Variants in PXDNL observed in about 807,000 individuals in gnomAD.
PXDNL encodes probable oxidoreductase PXDNL.
Under a neutral mutation model 150.8 loss-of-function variants are expected in PXDNL, and 145 were observed. The ratio of observed to expected loss-of-function variants is 0.96; its 90% CI spans 0.84 to 1.10. The LOEUF is 1.10. PXDNL is among the 50% of genes least tolerant of loss of function. The pLI, the probability that PXDNL is intolerant of heterozygous loss-of-function variation, is 0.00. For synonymous variants in PXDNL, 757 were observed against 725.7 expected (o/e 1.04, Z -0.69); for missense variants, 2,087 against 1,873.9 (o/e 1.11, Z -2.10).
At chr8:51,443,179 T>C (rs536609812) in intron 12 of PXDNL, among the ~76,000 whole-genome samples, 1 of 152,300 alleles carries the variant, frequency 6.6e-6, no homozygotes, top group Admixed American at 6.5e-5. Context: ...TTCTGTAAAA[T>C]TACTAATTTT....
chr8:51,673,147 CAACA>C (rs1007087969), intron 1 of PXDNL, among the ~76,000 whole-genome samples: 5 of 151,966 alleles, frequency 3.3e-5, no homozygotes, highest in Non-Finnish European at 5.9e-5. Context: ...ACTAAGTGAC[CAACA>C]AACAGAGAAT....
At chr8:51,572,113 A>G (rs1244072060) in intron 3 of PXDNL, among the ~76,000 whole-genome samples, 1 of 151,846 alleles carries the variant, frequency 6.6e-6, no homozygotes, top group Non-Finnish European at 1.5e-5. Flanking sequence ...TAATGGGTTT[A>G]TCAGGACATA....
At chr8:51,344,939 A>G (rs1450306369) in intron 20 of PXDNL, among the ~76,000 whole-genome samples, 1 of 152,210 alleles carries the variant, frequency 6.6e-6, no homozygotes, top group Non-Finnish European at 1.5e-5. Context: ...CTTCTTGTCC[A>G]ACAACACTAT....
chr8:51,547,310 G>C (rs903702404), intron 4 of PXDNL, among the ~76,000 whole-genome samples: 2 of 152,100 alleles, frequency 1.3e-5, no homozygotes, highest in African/African-American at 4.8e-5. Context: ...AATTTCACCA[G>C]CTGCAACACC....
intron 3 of PXDNL, among the ~76,000 whole-genome samples, chr8:51,582,644 T>C (rs1267938361): frequency 6.6e-6 from 1 of 152,194 alleles, no homozygotes; most frequent in Middle Eastern, 3.2e-3. Flanking sequence ...TTACTCTTGA[T>C]TTTATGATTT....
chr8:51,463,243 C>T (rs1309297486), intron 8 of PXDNL, among the ~76,000 whole-genome samples: 2 of 152,118 alleles, frequency 1.3e-5, no homozygotes, highest in Admixed American at 1.3e-4. Flanking sequence ...TACCAAACAA[C>T]AAGCTAAACA....
intron 19 of PXDNL, among the ~76,000 whole-genome samples, chr8:51,349,558 C>T (rs1806269738): frequency 1.3e-5 from 2 of 152,338 alleles, no homozygotes; most frequent in African/African-American, 4.8e-5. Context: ...AGGGCCTTGT[C>T]CTACCTACCG....
chr8:51,652,863 TGAA>T (rs1420481393), intron 2 of PXDNL, among the ~76,000 whole-genome samples: 1 of 152,222 alleles, frequency 6.6e-6, no homozygotes, highest in Non-Finnish European at 1.5e-5. Flanking sequence ...TTCTGCCAAG[TGAA>T]GAAGTGGATT....
chr8:51,398,660 G>A (rs535697324), intron 17 of PXDNL, among the ~76,000 whole-genome samples: 2 of 152,272 alleles, frequency 1.3e-5, no homozygotes, highest in Admixed American at 1.3e-4. Flanking sequence ...AACATTCCTG[G>A]GGTTTCTACA....
chr8:51,522,234 T>G (rs775793498), intron 4 of PXDNL, among the ~76,000 whole-genome samples: 3 of 152,180 alleles, frequency 2.0e-5, no homozygotes, highest in Non-Finnish European at 4.4e-5. Context: ...AAGTGATGTT[T>G]TTCAGAAAAA....
intron 3 of PXDNL, among the ~76,000 whole-genome samples, chr8:51,567,675 G>C (rs916225652): frequency 4.6e-5 from 7 of 151,284 alleles, no homozygotes; most frequent in African/African-American, 1.7e-4. Flanking sequence ...CTATTTCATG[G>C]GTAGTGCTGG....
At chr8:51,567,452 G>A (rs903529761) in intron 3 of PXDNL, among the ~76,000 whole-genome samples, 7 of 151,698 alleles carry the variant, frequency 4.6e-5, no homozygotes, top group African/African-American at 1.7e-4. Flanking sequence ...TTGCTGTTAG[G>A]TGCACATACA....
At chr8:51,398,425 C>G (rs1808153693) in intron 17 of PXDNL, among the ~76,000 whole-genome samples, 1 of 152,216 alleles carries the variant, frequency 6.6e-6, no homozygotes, top group Admixed American at 6.5e-5. Context: ...GAGGTATACA[C>G]AGGGCAACTG....
chr8:51,568,879 G>A (rs751508603), intron 3 of PXDNL, among the ~76,000 whole-genome samples: 1 of 151,638 alleles, frequency 6.6e-6, no homozygotes, highest in Admixed American at 6.6e-5. Flanking sequence ...ATATCCAGTC[G>A]ACTGGTGGGC....
Position 51,409,203 on chromosome 8 carries a change from G to T in PXDNL, c.2421C>A (p.Gly807=). ...GGTCCAAGTCGTGCTCTAGAAACCAGCCCCAGTGCATGAGCATGCGCGTGT... is the reference window on the plus strand; with the variant it reads ...GGTCCAAGTCGTGCTCTAGAAACCATCCCCAGTGCATGAGCATGCGCGTGT... The part of the protein sequence containing the change: ...HSYTRMLMHW[G]WFLEHDLDHT... Residue 807 remains glycine, a synonymous_variant, in exon 17 of 23, where the codon GGC becomes GGA. Coordinates refer to ENST00000356297, the MANE Select transcript of PXDNL (RefSeq NM_144651.5). 1 of 1,585,970 alleles carries T rather than the reference G, an allele frequency of 6.3e-7. No homozygotes were observed. The highest frequency in any genetic ancestry group is 2.3e-5 in the East Asian group (1 of 43,932).
chr8:51,598,569 CT>C (rs1475060639), intron 2 of PXDNL, among the ~76,000 whole-genome samples: 2 of 152,100 alleles, frequency 1.3e-5, no homozygotes, highest in Non-Finnish European at 2.9e-5. Context: ...CTGAACCAAT[CT>C]TGAATCCCAG....
Position 51,320,001 on chromosome 8 carries a change from C to A in PXDNL, c.4282G>T (p.Val1428Leu). The A allele has an allele frequency of 1.3e-6, 2 of 1,556,114 alleles. No homozygotes were observed. The highest frequency in any genetic ancestry group is 1.7e-6 in the Non-Finnish European group (2 of 1,152,398). ...CAGGGAGCCGGGGGACAAATCTCCA[C>A]CACACAGGTGACCTGGCCACTCTGA... ...ICESGQVTCV[V>L]EICPPAPCPS... The change falls in exon 23 of 23, where the codon GTG becomes TTG. Residue 1428 changes from valine to leucine, a missense_variant. Val to Leu is a conservative substitution (Grantham distance 32). Transcript: ENST00000356297.
chr8:51,565,317 A>ATAGATAG (rs1563466564), intron 3 of PXDNL, among the ~76,000 whole-genome samples: 18 of 110,300 alleles, frequency 1.6e-4, no homozygotes, highest in Admixed American at 5.2e-4. Flanking sequence ...TAAATAAATA[A>ATAGATAG]ATAAATAGAT....
chr8:51,659,750 C>T (rs552216652), intron 1 of PXDNL, among the ~76,000 whole-genome samples: 2 of 152,160 alleles, frequency 1.3e-5, no homozygotes, highest in Non-Finnish European at 2.9e-5. Flanking sequence ...GTCTAAAATC[C>T]AGAAGTTCCC....
Sources: gnomAD v4.1 joint callset for allele counts (sites outside exome capture counted in the v4.1 genomes callset) on GRCh38, gnomAD v4.1.1 for gene constraint, MANE v1.5 for transcripts, NCBI Gene and HGNC (gene_info 2026-07-23, HGNC 2026-07-21) for gene names.